The following HRG variants were observed in gnomAD, a reference collection of about 807,000 sequenced individuals.
The protein encoded by HRG is histidine-rich glycoprotein.
A neutral mutation model predicts 29.5 loss-of-function variants in HRG; 26 were observed. The observed-to-expected ratio is 0.88, with a 90% CI of 0.65 to 1.22. The LOEUF is 1.22. HRG is among the 50% of genes most tolerant of loss of function. The probability of loss-of-function intolerance (pLI) is 0.00; values close to 1 mark genes in which losing one functional copy is unlikely to be tolerated. For missense variants in HRG, 671 were observed against 654.5 expected, an observed-to-expected ratio of 1.03 and a Z score of -0.28; for synonymous variants, 243 against 240.4, an observed-to-expected ratio of 1.01 and a Z score of -0.10.
At chr3:186,670,691 G>C (rs1718758586) in intron 3 of HRG, among the ~76,000 whole-genome samples, 1 of 152,022 alleles carries the variant, frequency 6.6e-6, no homozygotes, top group Admixed American at 6.6e-5. Context: ...AGGATTACAG[G>C]CATATGCCAC....
intron 2 of HRG, 91 bp downstream of exon 2, chr3:186,669,142 GAAGAGA>G (rs1483642899): frequency 1.2e-6 from 1 of 812,788 alleles, no homozygotes; most frequent in Non-Finnish European, 2.2e-6. Flanking sequence ...TAACACAGTA[GAAGAGA>G]AAGGGCAGCT....
intron 5 of HRG, 25 bp downstream of exon 5, chr3:186,672,892 C>A (rs377098713): frequency 2.8e-6 from 4 of 1,426,440 alleles, no homozygotes; most frequent in Non-Finnish European, 4.0e-6. Flanking sequence ...TGTCTGTGAT[C>A]GTTGACTAGA....
intron 5 of HRG, chr3:186,673,764 T>A (rs1446692885): frequency 6.6e-6 from 1 of 152,176 alleles, no homozygotes; most frequent in Non-Finnish European, 1.5e-5. Context: ...ACTTAGTTAT[T>A]CTCATACAAA....
rs145162969 is a variant in HRG, at chr3:186,673,048, AGCACTTAGTACCTGCCAG to A, written c.639+187_639+204del. On this transcript the variant is annotated intron_variant, in intron 5 of 6. Transcript: ENST00000232003. ...GTGAAATACAAAGTATCATCTGGGA[AGCACTTAGTACCTGCCAG>A]GCACTCTTCTAAGTGATTTACACAT... 3,956 of 674,280 alleles carry A rather than the reference AGCACTTAGTACCTGCCAG, an allele frequency of 5.9e-3. 36 individuals carry two copies. The highest frequency in any genetic ancestry group is 0.03 in the African/African-American group (1,694 of 56,412). 41.8% of individuals were successfully genotyped at this position (674,280 alleles called of 1,614,324 possible). A position where few individuals can be genotyped will look rare whatever the true frequency, so the allele number is the denominator to read the frequency against.
chr3:186,669,252 T>A (rs1322285433), intron 2 of HRG, among the ~76,000 whole-genome samples: 1 of 152,220 alleles, frequency 6.6e-6, no homozygotes, highest in Non-Finnish European at 1.5e-5. Flanking sequence ...CAGCAGGGTG[T>A]GTGGTCCCAT....
chr3:186,672,894 T>C (rs1351618982), intron 5 of HRG, 27 bp downstream of exon 5: 2 of 1,401,232 alleles, frequency 1.4e-6, no homozygotes, highest in South Asian at 1.2e-5. Flanking sequence ...TCTGTGATCG[T>C]TGACTAGAGT....
intron 5 of HRG, 43 bp downstream of exon 5, chr3:186,672,910 A>G (rs745452620): frequency 7.8e-7 from 1 of 1,277,206 alleles, no homozygotes; most frequent in South Asian, 1.2e-5. Flanking sequence ...AGAGTCACAG[A>G]GAAAAAAGAA....
chr3:186,671,819 C>T, intron 4 of HRG, 30 bp downstream of exon 4: 1 of 1,606,714 alleles, frequency 6.2e-7, no homozygotes, highest in Non-Finnish European at 8.5e-7. Flanking sequence ...CGGTTGGAGT[C>T]TGAAGGCCCA....
intron 1 of HRG, among the ~76,000 whole-genome samples, chr3:186,666,453 A>G (rs1718613952): frequency 6.6e-6 from 1 of 152,182 alleles, no homozygotes; most frequent in Non-Finnish European, 1.5e-5. Flanking sequence ...GCCCAGTTAC[A>G]TGCTAAGGAC....
chr3:186,669,890 G>C, intron 2 of HRG, 48 bp from the exon 3 acceptor site: 1 of 904,516 alleles, frequency 1.1e-6, no homozygotes, highest in African/African-American at 1.6e-5. Context: ...ACCTGAGGAA[G>C]GCAGGATGCA....
intron 4 of HRG, among the ~76,000 whole-genome samples, chr3:186,672,559 T>G (rs1560040231): frequency 6.6e-6 from 1 of 152,238 alleles, no homozygotes; most frequent in Non-Finnish European, 1.5e-5. Flanking sequence ...TTTTTCACAC[T>G]CTACTTTATC....
chr3:186,675,304 T>TGAGAGA (rs1474974601), intron 6 of HRG, 114 bp downstream of exon 6: 304 of 489,812 alleles, frequency 6.2e-4, no homozygotes, highest in Admixed American at 7.2e-4. Flanking sequence ...TGTGTGTGTG[T>TGAGAGA]GTGTGAGAGA....
chr3:186,675,133 C>G lies in HRG; in HGVS notation c.684C>G (p.Ala228=), dbSNP rs140010651. Residue 228 remains alanine (A), a synonymous_variant, in exon 6 of 7, where the codon GCC becomes GCG. Coordinates refer to ENST00000232003, the MANE Select transcript of HRG (RefSeq NM_000412.5). ...CAGATTTGTTCTATGATGTAGAAGC[C>G]TTGGACTTGGAAAGCCCGAAAAACC... is the stretch of plus-strand genomic sequence containing the variant. The part of the protein sequence containing the change: ...CRADLFYDVE[A]LDLESPKNLV... 66 of 1,613,864 alleles carry G rather than the reference C, an allele frequency of 4.1e-5. No homozygotes were observed. In the African/African-American group the frequency reaches 8.0e-4, roughly 20 times the overall value.
At position 186,671,805 on chromosome 3, in the gene HRG, G is replaced by T. The variant is rs758500061; in HGVS notation, c.558+16G>T. 1 of 1,612,136 alleles carries T rather than the reference G, an allele frequency of 6.2e-7. No homozygotes were observed. The highest frequency in any genetic ancestry group is 1.7e-5 in the Admixed American group (1 of 59,978). ...TGCAAGAGTGGTGAGTCTCCACTAAGGTTCGGTTGGAGTCTGAAGGCCCAG... is the reference window on the plus strand; with the variant it reads ...TGCAAGAGTGGTGAGTCTCCACTAATGTTCGGTTGGAGTCTGAAGGCCCAG... On this transcript the variant is annotated intron_variant, in intron 4 of 6. Coordinates refer to ENST00000232003, the MANE Select transcript of HRG (RefSeq NM_000412.5).
chr3:186,677,389 C>T lies in HRG; in HGVS notation c.1084C>T (p.His362Tyr). 1 of 1,612,682 alleles carries T rather than the reference C, an allele frequency of 6.2e-7. No individual in the cohort carries two copies. The highest frequency in any genetic ancestry group is 8.5e-7 in the Non-Finnish European group (1 of 1,179,388). ...GCATCATTCCCATGAACAGCATCCC[C>T]ACGGACACCATCCCCATGCACACCA... ...HKHHSHEQHPHGHHPHAHHPH... is the reference protein window; with the variant it reads ...HKHHSHEQHPYGHHPHAHHPH... The change falls in exon 7 of 7, where the codon CAC becomes TAC. Residue 362 changes from histidine to tyrosine, a missense_variant. His to Tyr is a moderately conservative substitution (Grantham distance 83, BLOSUM62 2). Transcript: ENST00000232003.
At chr3:186,676,800 G>A (rs1392582738) in intron 6 of HRG, among the ~76,000 whole-genome samples, 9 of 151,912 alleles carry the variant, frequency 5.9e-5, no homozygotes, top group Admixed American at 3.3e-4. Flanking sequence ...GTGACAGAGC[G>A]AGACTCAGTC....
At position 186,668,987 on chromosome 3, in the gene HRG, C is replaced by T. The variant is rs4516605; in HGVS notation, c.236C>T (p.Ser79Leu). ...TTAGATGTGCAAGAATCGGACTGTTCGGTCCTATCCAGGAAATACTGGAAT... is the reference window on the plus strand; with the variant it reads ...TTAGATGTGCAAGAATCGGACTGTTTGGTCCTATCCAGGAAATACTGGAAT... ...LVLDVQESDC[S>L]VLSRKYWNDC... Residue 79 changes from serine to leucine, a missense_variant, in exon 2 of 7, where the codon TCG (serine) becomes TTG (leucine). By Grantham distance (145) the Ser-to-Leu change is moderately radical. Transcript: ENST00000232003. 8.7e-6 allele frequency: 14 copies of T among 1,612,306 alleles called. No individual in the cohort carries two copies. The African/African-American group carries it at 1.1e-4, about 12-fold the overall frequency.
intron 3 of HRG, among the ~76,000 whole-genome samples, chr3:186,671,114 G>A (rs986128684): frequency 1.3e-5 from 2 of 151,120 alleles, no homozygotes; most frequent in African/African-American, 4.8e-5. Flanking sequence ...AGCACTTTGG[G>A]AGGTTGAGGC....
chr3:186,673,038 T>A, intron 5 of HRG, 171 bp downstream of exon 5: 1 of 684,024 alleles, frequency 1.5e-6, no homozygotes, highest in Non-Finnish European at 2.7e-6. Flanking sequence ...ATACAAAGTA[T>A]CATCTGGGAA....
Sources: gnomAD v4.1 joint callset for allele counts (sites outside exome capture counted in the v4.1 genomes callset) on GRCh38, gnomAD v4.1.1 for gene constraint, MANE v1.5 for transcripts, NCBI Gene and HGNC (gene_info 2026-07-23, HGNC 2026-07-21) for gene names.